MACROD2: variants seen among roughly 807,000 people sequenced by gnomAD.
MACROD2 encodes the protein mono-ADP ribosylhydrolase 2.
In MACROD2, 36 loss-of-function variants were observed where a neutral mutation model predicts 70.4. The ratio of observed to expected loss-of-function variants is 0.51; its 90% CI spans 0.39 to 0.68. The LOEUF (loss-of-function observed/expected upper bound fraction) is 0.68, where lower values mean the gene tolerates loss of function less well. Among genes scored for constraint, MACROD2 ranks in the 30% least tolerant of loss-of-function variants. The pLI, the probability that MACROD2 is intolerant of heterozygous loss-of-function variation, is 0.00. For synonymous variants in MACROD2, 172 were observed against 178.8 expected (o/e 0.96, Z 0.30); for missense variants, 496 against 538.4 (o/e 0.92, Z 0.78).
intron 3 of MACROD2, chr20:14,327,071 C>A: frequency 6.2e-7 from 1 of 1,613,726 alleles, no homozygotes; most frequent in Non-Finnish European, 8.5e-7. Flanking sequence ...GCTCCCTCTT[C>A]TATGCTAACT....
chr20:15,853,318 G>A (rs990225686), intron 8 of MACROD2, among the ~76,000 whole-genome samples: 3 of 152,152 alleles, frequency 2.0e-5, no homozygotes, highest in Non-Finnish European at 4.4e-5. Flanking sequence ...AATCAACGGT[G>A]GCAGGCAGGA....
chr20:14,754,871 C>CG (rs1568777141), intron 5 of MACROD2, among the ~76,000 whole-genome samples: 1 of 149,938 alleles, frequency 6.7e-6, no homozygotes, highest in Non-Finnish European at 1.5e-5. Context: ...TTTGTTAAGC[C>CG]GAATACCCAA....
At chr20:14,698,495 A>G (rs1465581144) in intron 5 of MACROD2, among the ~76,000 whole-genome samples, 1 of 152,016 alleles carries the variant, frequency 6.6e-6, no homozygotes, top group Non-Finnish European at 1.5e-5. Context: ...GATCACCCCA[A>G]CTATTTTATC....
At chr20:14,941,776 C>G (rs541315730) in intron 5 of MACROD2, among the ~76,000 whole-genome samples, 29 of 144,844 alleles carry the variant, frequency 2.0e-4, no homozygotes, top group South Asian at 6.6e-4. Context: ...ATTTCTTTCT[C>G]TCTCTCTTTT....
At chr20:15,168,530 T>G (rs2076401918) in intron 5 of MACROD2, among the ~76,000 whole-genome samples, 1 of 148,702 alleles carries the variant, frequency 6.7e-6, no homozygotes, top group Non-Finnish European at 1.5e-5. Context: ...CTCAGAAAGA[T>G]GGAATTGAAA....
intron 6 of MACROD2, among the ~76,000 whole-genome samples, chr20:15,354,509 T>G (rs2078264554): frequency 1.3e-5 from 2 of 152,032 alleles, no homozygotes. Flanking sequence ...ATAAACAAAA[T>G]ACACTCATTC....
intron 5 of MACROD2, among the ~76,000 whole-genome samples, chr20:14,688,587 C>T (rs1234208177): frequency 6.6e-6 from 1 of 152,074 alleles, no homozygotes; most frequent in Non-Finnish European, 1.5e-5. Flanking sequence ...AAGGAAATGA[C>T]TTAGAAAGTA....
chr20:15,989,670 T>G (rs1200922173), intron 15 of MACROD2, among the ~76,000 whole-genome samples: 1 of 152,168 alleles, frequency 6.6e-6, no homozygotes, highest in Non-Finnish European at 1.5e-5. Flanking sequence ...ATTCACAAAA[T>G]AGTGTCTTAA....
chr20:14,240,321 A>T (rs538647462), intron 3 of MACROD2, among the ~76,000 whole-genome samples: 1 of 152,364 alleles, frequency 6.6e-6, no homozygotes, highest in South Asian at 2.1e-4. Context: ...GATTCAACTC[A>T]GCAATTCCAT....
rs145076729 is a variant in MACROD2, at chr20:14,490,386, C to T, written c.272-3093C>T. On this transcript the variant is annotated intron_variant, in intron 3 of 17. Coordinates refer to ENST00000684519, the MANE Select transcript of MACROD2 (RefSeq NM_001351661.2). Reference sequence around the variant, plus strand: ...TAAACAGTAAAACTCCATCTCCTTGCGTGAAGTTATTTTAGGGGGAAGAAA... The same window carrying T: ...TAAACAGTAAAACTCCATCTCCTTGTGTGAAGTTATTTTAGGGGGAAGAAA... 6.2e-3 allele frequency among the ~76,000 whole-genome samples: 947 copies of T among 152,180 alleles called. 6 individuals carry two copies. Among genetic ancestry groups the T allele is most frequent in the African/African-American group, 0.014 (590 of 41,524 alleles).
intron 5 of MACROD2, chr20:15,022,812 G>A (rs1363320131): frequency 6.6e-6 from 1 of 152,056 alleles, no homozygotes; most frequent in Non-Finnish European, 1.5e-5. Flanking sequence ...CTCTTCCTCT[G>A]CCCAACGCCT....
intron 5 of MACROD2, among the ~76,000 whole-genome samples, chr20:14,945,440 A>G (rs978558375): frequency 6.6e-6 from 1 of 152,126 alleles, no homozygotes; most frequent in Non-Finnish European, 1.5e-5. Context: ...GACTGAAGAC[A>G]GGGGCGTCAA....
chr20:14,967,320 G>A (rs539794253), intron 5 of MACROD2, among the ~76,000 whole-genome samples: 1 of 147,462 alleles, frequency 6.8e-6, no homozygotes, highest in South Asian at 2.1e-4. Context: ...AGCCTCCTGA[G>A]TAGCTGGGAT....
chr20:15,580,913 G>A (rs991416703), intron 8 of MACROD2, among the ~76,000 whole-genome samples: 7 of 152,292 alleles, frequency 4.6e-5, no homozygotes, highest in African/African-American at 1.4e-4. Flanking sequence ...AGTCTGTGGG[G>A]CCTGCACAAC....
At chr20:15,988,784 A>G (rs1251596587) in intron 15 of MACROD2, among the ~76,000 whole-genome samples, 1 of 152,166 alleles carries the variant, frequency 6.6e-6, no homozygotes, top group Non-Finnish European at 1.5e-5. Flanking sequence ...TGAATTAACC[A>G]CATTTTCTCT....
chr20:15,778,383 T>C (rs1465332828), intron 8 of MACROD2, among the ~76,000 whole-genome samples: 1 of 152,084 alleles, frequency 6.6e-6, no homozygotes, highest in Non-Finnish European at 1.5e-5. Flanking sequence ...TTATTAAGTG[T>C]TCTATATTAC....
intron 3 of MACROD2, among the ~76,000 whole-genome samples, chr20:14,386,960 C>T (rs749468948): frequency 3.9e-5 from 6 of 152,074 alleles, no homozygotes; most frequent in East Asian, 1.9e-4. Flanking sequence ...GGCTAGAAAC[C>T]GGAGAACACC....
chr20:14,395,566 C>T (rs1355489777), intron 3 of MACROD2, among the ~76,000 whole-genome samples: 1 of 151,768 alleles, frequency 6.6e-6, no homozygotes, highest in Non-Finnish European at 1.5e-5. Flanking sequence ...TTTTCTCTGT[C>T]ATTTTGTTTT....
chr20:15,338,323 A>T (rs1161068145), intron 6 of MACROD2, among the ~76,000 whole-genome samples: 10 of 151,642 alleles, frequency 6.6e-5, no homozygotes, highest in Non-Finnish European at 1.3e-4. Context: ...TCATATGCTG[A>T]TGAATTCCTT....
Sources: gnomAD v4.1 joint callset for allele counts (sites outside exome capture counted in the v4.1 genomes callset) on GRCh38, gnomAD v4.1.1 for gene constraint, MANE v1.5 for transcripts, NCBI Gene and HGNC (gene_info 2026-07-23, HGNC 2026-07-21) for gene names.